The following KIAA1217 variants were observed in gnomAD, a reference collection of about 807,000 sequenced individuals.
KIAA1217 encodes sickle tail protein homolog.
KIAA1217 carries 88 observed loss-of-function variants against 163.9 expected under a neutral mutation model. The ratio of observed to expected loss-of-function variants is 0.54; its 90% CI spans 0.45 to 0.64. The LOEUF is 0.64. KIAA1217 is among the 30% of genes least tolerant of loss of function. The pLI, the probability that KIAA1217 is intolerant of heterozygous loss-of-function variation, is 0.00. For synonymous variants in KIAA1217, 903 were observed against 923.1 expected, an observed-to-expected ratio of 0.98 and a Z score of 0.39; for missense variants, 2,372 against 2,475.0, an observed-to-expected ratio of 0.96 and a Z score of 0.88.
chr10:23,707,558 G>A (rs528109957), intron 1 of KIAA1217, among the ~76,000 whole-genome samples: 12 of 152,118 alleles, frequency 7.9e-5, no homozygotes, highest in Admixed American at 1.3e-4. Flanking sequence ...GGGTGGAATA[G>A]TAGACACTGG....
chr10:23,857,685 C>T (rs143942557), intron 1 of KIAA1217, among the ~76,000 whole-genome samples: 1 of 152,210 alleles, frequency 6.6e-6, no homozygotes, highest in East Asian at 1.9e-4. Flanking sequence ...ACCACATTGC[C>T]TCTAAGAATT....
At chr10:23,742,786 G>A (rs1839190250) in intron 1 of KIAA1217, among the ~76,000 whole-genome samples, 1 of 152,188 alleles carries the variant, frequency 6.6e-6, no homozygotes, top group Admixed American at 6.5e-5. Flanking sequence ...AACTGTATCA[G>A]GGGTTGACTC....
At chr10:24,404,386 G>C (rs7080357) in intron 3 of KIAA1217, among the ~76,000 whole-genome samples, 1 of 151,720 alleles carries the variant, frequency 6.6e-6, no homozygotes, top group Admixed American at 6.6e-5. Context: ...GGCCAACATG[G>C]TGAAACCCTG....
chr10:23,979,856 C>CT (rs1367376293), intron 1 of KIAA1217, among the ~76,000 whole-genome samples: 6 of 151,980 alleles, frequency 3.9e-5, no homozygotes, highest in Middle Eastern at 3.4e-3. Flanking sequence ...TTTTCTTTTC[C>CT]TTTTTTTTCT....
At chr10:24,264,149 G>A (rs947626311) in intron 2 of KIAA1217, among the ~76,000 whole-genome samples, 3 of 152,124 alleles carry the variant, frequency 2.0e-5, no homozygotes, top group Admixed American at 1.3e-4. Context: ...GTGAGCCACC[G>A]CTCCCAGCCC....
At chr10:24,068,447 A>C (rs2061055523) in intron 2 of KIAA1217, among the ~76,000 whole-genome samples, 1 of 152,194 alleles carries the variant, frequency 6.6e-6, no homozygotes, top group African/African-American at 2.4e-5. Context: ...CAGATAATTC[A>C]TATATCTCTG....
At chr10:23,873,513 C>T (rs149235263) in intron 1 of KIAA1217, among the ~76,000 whole-genome samples, 97 of 152,016 alleles carry the variant, frequency 6.4e-4, no homozygotes, top group African/African-American at 2.3e-3. Flanking sequence ...AATTTTAAGA[C>T]GGATAAATGA....
chr10:23,829,589 A>G (rs1257406897), intron 1 of KIAA1217, among the ~76,000 whole-genome samples: 5 of 152,200 alleles, frequency 3.3e-5, no homozygotes, highest in Non-Finnish European at 7.3e-5. Flanking sequence ...CTCACTATTT[A>G]ATCCAAGTGT....
chr10:24,513,304 C>G lies in KIAA1217; in HGVS notation c.2047C>G (p.Leu683Val), dbSNP rs1564833775. The G allele has an allele frequency of 2.5e-6, 4 of 1,614,042 alleles. No individual in the cohort carries two copies. The highest frequency in any genetic ancestry group is 3.4e-6 in the Non-Finnish European group (4 of 1,180,028). Residue 683 changes from leucine to valine, a missense_variant, in exon 10 of 21, where the codon CTG (leucine) becomes GTG (valine). Leu to Val is a conservative substitution (Grantham distance 32, BLOSUM62 1). Around this residue, in one of 3 missense-constraint regions of KIAA1217, gnomAD observed 1,431 missense variants for 1,470.3 expected, o/e 0.97. Coordinates refer to ENST00000376454, the MANE Select transcript of KIAA1217 (RefSeq NM_019590.5). The part of the protein sequence containing the change: ...LLRAMMKKAE[L>V]EISGKVMETM... ...GAGGGCAATGATGAAGAAGGCCGAG[C>G]TGGAAATCAGTGGCAAAGTGATGGA...
At chr10:23,742,526 C>G (rs1290937322) in intron 1 of KIAA1217, among the ~76,000 whole-genome samples, 1 of 152,068 alleles carries the variant, frequency 6.6e-6, no homozygotes, top group Admixed American at 6.6e-5. Flanking sequence ...TGGCAGAAGG[C>G]AAAGCAGAAG....
chr10:24,152,217 AT>A (rs2064652287), intron 2 of KIAA1217, among the ~76,000 whole-genome samples: 2 of 152,110 alleles, frequency 1.3e-5, no homozygotes, highest in Non-Finnish European at 2.9e-5. Flanking sequence ...TTCCTGATGT[AT>A]TTTTATGTAT....
chr10:24,221,747 A>G (rs906384633), intron 2 of KIAA1217, among the ~76,000 whole-genome samples: 7 of 152,202 alleles, frequency 4.6e-5, no homozygotes, highest in Admixed American at 2.0e-4. Flanking sequence ...GATAATTTTA[A>G]AAAGACTCTG....
chr10:24,415,712 C>T (rs2058191954), intron 3 of KIAA1217, among the ~76,000 whole-genome samples: 1 of 152,090 alleles, frequency 6.6e-6, no homozygotes, highest in African/African-American at 2.4e-5. Context: ...AGCACTCATC[C>T]CCAGCCTTAG....
chr10:24,052,476 G>T (rs35018390), intron 2 of KIAA1217, among the ~76,000 whole-genome samples: 14,511 of 152,072 alleles, frequency 0.095, 931 homozygotes, highest in East Asian at 0.2. Flanking sequence ...TATTTTCTTT[G>T]TAAAGAACTT....
chr10:24,089,863 C>A (rs1223248264), intron 2 of KIAA1217, among the ~76,000 whole-genome samples: 1 of 151,830 alleles, frequency 6.6e-6, no homozygotes, highest in Non-Finnish European at 1.5e-5. Flanking sequence ...AATGGCCATA[C>A]TGCCCAAGGT....
intron 1 of KIAA1217, among the ~76,000 whole-genome samples, chr10:23,887,848 A>C (rs1449993588): frequency 6.6e-6 from 1 of 151,988 alleles, no homozygotes. Flanking sequence ...GGAAAGTTTT[A>C]CCAATGACTG....
At chr10:24,087,557 T>C (rs1026546179) in intron 2 of KIAA1217, among the ~76,000 whole-genome samples, 2 of 152,234 alleles carry the variant, frequency 1.3e-5, no homozygotes, top group African/African-American at 4.8e-5. Flanking sequence ...ACATAATAAA[T>C]GCTTGAGTTA....
rs184940768 is a variant in KIAA1217, at chr10:23,768,308, G to T, written c.-321+73074G>T. Among the ~76,000 whole-genome samples, 73 of 152,286 alleles carry T rather than the reference G, an allele frequency of 4.8e-4. No individual in the cohort carries two copies. The East Asian group carries it at 8.9e-3, about 19-fold the overall frequency. ...CCCAATGCTGGACACAGTGACTTTG[G>T]AAACTCTCAAACAACTGGGAGGAAA... is the stretch of plus-strand genomic sequence containing the variant. On this transcript the variant is annotated intron_variant, in intron 1 of 18. Coordinates refer to the KIAA1217 transcript ENST00000376462.
chr10:23,773,044 T>C (rs1054398397), intron 1 of KIAA1217, among the ~76,000 whole-genome samples: 16 of 152,162 alleles, frequency 1.1e-4, no homozygotes, highest in African/African-American at 3.9e-4. Flanking sequence ...TTTTTTCTTT[T>C]TGGAACCCCT....
Sources: gnomAD v4.1 joint callset for allele counts (sites outside exome capture counted in the v4.1 genomes callset) on GRCh38, gnomAD v4.1.1 for gene constraint, gnomAD v4.1.1 regional missense constraint, MANE v1.5 for transcripts, NCBI Gene and HGNC (gene_info 2026-07-23, HGNC 2026-07-21) for gene names.